MAD1L1: variants seen among roughly 807,000 people sequenced by gnomAD.
The protein encoded by MAD1L1 is mitotic arrest deficient 1 like 1.
A neutral mutation model predicts 96.9 loss-of-function variants in MAD1L1; 95 were observed. The observed-to-expected ratio is 0.98, with a 90% confidence interval of 0.83 to 1.16. The LOEUF (loss-of-function observed/expected upper bound fraction) is 1.16. MAD1L1 is among the 50% of genes most tolerant of loss of function. The pLI, the probability that MAD1L1 is intolerant of heterozygous loss-of-function variation, is 0.00. For synonymous variants in MAD1L1, 473 were observed against 396.6 expected, an observed-to-expected ratio of 1.19 and a Z score of -2.29; for missense variants, 1,007 against 954.4, an observed-to-expected ratio of 1.06 and a Z score of -0.73.
chr7:1,843,346 G>A (rs1783390408), intron 18 of MAD1L1, among the ~76,000 whole-genome samples: 2 of 152,288 alleles, frequency 1.3e-5, no homozygotes, highest in South Asian at 4.1e-4. Context: ...TGGCCCCGGG[G>A]AGCTCCTGCG....
At chr7:2,079,623 G>C (rs901439651) in intron 11 of MAD1L1, 1 of 470,690 alleles carries the variant, frequency 2.1e-6, no homozygotes, top group East Asian at 6.9e-5. Flanking sequence ...AATGTGAGAA[G>C]GAAAATTGCC....
chr7:1,915,408 C>A (rs997075730), intron 17 of MAD1L1, among the ~76,000 whole-genome samples: 1 of 152,168 alleles, frequency 6.6e-6, no homozygotes, highest in Non-Finnish European at 1.5e-5. Flanking sequence ...AAAAGCCACG[C>A]GCTTCCCGGG....
Position 1,931,589 on chromosome 7 carries a change from C to A in MAD1L1, c.1807+5098G>T, listed in dbSNP as rs904587126. Among the ~76,000 whole-genome samples, 6 of 152,312 alleles carry A rather than the reference C, an allele frequency of 3.9e-5. No individual in the cohort carries two copies. The South Asian group carries it at 1.0e-3, about 26-fold the overall frequency. The stretch of plus-strand genomic sequence containing the variant: ...TTCTGTGGCTCCTTCTGGACTTGAG[C>A]GCTCGGACGTCCTGCTGACTTCCCG... On this transcript the variant is annotated intron_variant, in intron 17 of 18. Coordinates refer to ENST00000265854, the MANE Select transcript of MAD1L1 (RefSeq NM_001013836.2).
At chr7:1,909,040 T>C (rs1366581713) in intron 17 of MAD1L1, among the ~76,000 whole-genome samples, 1 of 152,238 alleles carries the variant, frequency 6.6e-6, no homozygotes, top group African/African-American at 2.4e-5. Context: ...GACTCTCAGA[T>C]GCTCAGTGCC....
At chr7:1,853,603 C>T (rs1410672869) in intron 18 of MAD1L1, among the ~76,000 whole-genome samples, 2 of 152,194 alleles carry the variant, frequency 1.3e-5, no homozygotes, top group African/African-American at 2.4e-5. Flanking sequence ...CCACAGCAGA[C>T]TGATCACCAG....
In MAD1L1 at chr7:1,935,540, G is replaced by A. The variant is rs115243064; in HGVS notation, c.1807+1147C>T. On this transcript the variant is annotated intron_variant, in intron 17 of 18. Transcript: ENST00000265854. ...TGGCTTATGGGGGTGGGGCACAAGA[G>A]GGAGGGAAGACCCCACCTAAGACCC... is the stretch of plus-strand genomic sequence containing the variant. 4.5e-3 allele frequency among the ~76,000 whole-genome samples: 681 copies of A among 152,336 alleles called. 6 individuals are homozygous for A. The highest frequency in any genetic ancestry group is 0.015 in the African/African-American group (642 of 41,582).
At position 2,216,248 on chromosome 7, in the gene MAD1L1, C is replaced by A. The variant is rs777497138; in HGVS notation, c.718G>T (p.Ala240Ser). Residue 240 changes from alanine to serine, a missense_variant, in exon 8 of 19, where the codon GCG becomes TCG. Ala to Ser is a moderately conservative substitution (Grantham distance 99). Coordinates refer to ENST00000265854, the MANE Select transcript of MAD1L1 (RefSeq NM_001013836.2). ...QKLSLQEQDA[A>S]IVKNMKSELV... The stretch of plus-strand genomic sequence containing the variant: ...TCAGACTTCATGTTCTTCACAATCG[C>A]TGCATCCTGCTCTTGCAGGGACAGC... 1 of 1,614,194 alleles carries A rather than the reference C, an allele frequency of 6.2e-7. No homozygotes were observed. The highest frequency in any genetic ancestry group is 8.5e-7 in the Non-Finnish European group (1 of 1,180,054).
rs954071816 is a variant in MAD1L1 at position 2,119,275 on chromosome 7, T to G, written c.1073+29877A>C. Among the ~76,000 whole-genome samples the G allele has an allele frequency of 1.3e-5, 2 of 152,146 alleles. No homozygotes were observed. Among genetic ancestry groups the G allele is most frequent in the Non-Finnish European group, 2.9e-5 (2 of 68,026 alleles). ...AGTGACCAAAGGAGTGCCCCGCCCC[T>G]GGTTCACAGACATGAGAAGCTCCCA... On this transcript the variant is annotated intron_variant, in intron 11 of 18. Transcript: ENST00000265854. This position sits in a 1 kb window ranked among gnomAD's most constrained non-coding sequence, Gnocchi z 4.6.
At chr7:1,817,970 G>A (rs1562421428) in intron 18 of MAD1L1, among the ~76,000 whole-genome samples, 1 of 151,670 alleles carries the variant, frequency 6.6e-6, no homozygotes, top group Non-Finnish European at 1.5e-5. Context: ...CTCAGGAGCC[G>A]TCCCCGTGCC....
chr7:2,135,048 A>G (rs1788686467), intron 11 of MAD1L1, among the ~76,000 whole-genome samples: 1 of 152,238 alleles, frequency 6.6e-6, no homozygotes, highest in South Asian at 2.1e-4. Flanking sequence ...TTCAACACAC[A>G]AAAAACACCC....
intron 10 of MAD1L1, among the ~76,000 whole-genome samples, chr7:2,191,179 C>T (rs1049001418): frequency 6.6e-6 from 1 of 152,222 alleles, no homozygotes; most frequent in South Asian, 2.1e-4. Context: ...GACTGCATGA[C>T]GTATGATTCC....
At chr7:2,163,448 A>G (rs1790265005) in intron 10 of MAD1L1, among the ~76,000 whole-genome samples, 1 of 152,106 alleles carries the variant, frequency 6.6e-6, no homozygotes, top group African/African-American at 2.4e-5. Context: ...ATCTCGGCTC[A>G]CTGCAACCTC....
chr7:1,866,870 G>T (rs1784803183), intron 18 of MAD1L1, among the ~76,000 whole-genome samples: 1 of 152,232 alleles, frequency 6.6e-6, no homozygotes, highest in African/African-American at 2.4e-5. Context: ...TCAGCTGCCA[G>T]CGCTGGCTGG....
chr7:2,133,736 C>T (rs1384226418), intron 11 of MAD1L1, among the ~76,000 whole-genome samples: 2 of 152,206 alleles, frequency 1.3e-5, no homozygotes, highest in Non-Finnish European at 1.5e-5. Context: ...GGTGTAAGGT[C>T]TGTGTCTAGA....
At chr7:1,836,960 GGTA>G (rs1460265557) in intron 18 of MAD1L1, among the ~76,000 whole-genome samples, 1 of 152,018 alleles carries the variant, frequency 6.6e-6, no homozygotes, top group Non-Finnish European at 1.5e-5. Context: ...ATAAAAGACG[GGTA>G]AGTTAGACTT....
intron 18 of MAD1L1, among the ~76,000 whole-genome samples, chr7:1,820,034 T>C (rs1222018678): frequency 6.6e-6 from 1 of 152,114 alleles, no homozygotes; most frequent in East Asian, 1.9e-4. Flanking sequence ...TACTTCGAGA[T>C]ACTGGGAAGT....
chr7:1,895,766 T>C (rs553623238), intron 18 of MAD1L1, among the ~76,000 whole-genome samples: 5 of 152,308 alleles, frequency 3.3e-5, no homozygotes, highest in South Asian at 4.1e-4. Flanking sequence ...CTCAGCTCCA[T>C]GGCTTCTGAC....
chr7:1,854,363 C>G (rs1270024964), intron 18 of MAD1L1: 3 of 472,992 alleles, frequency 6.3e-6, no homozygotes, highest in African/African-American at 5.9e-5. Context: ...GGGAACCTAC[C>G]CTGTGGAAGC....
Position 1,847,608 on chromosome 7 carries a change from T to C in MAD1L1, c.1999-31380A>G, listed in dbSNP as rs907719628. ...AACCGGGATGCACACAGCATGGAGA[T>C]CTCAGCCCTGGGCAGGCCTCGCCCC... is the stretch of plus-strand genomic sequence containing the variant. On this transcript the variant is annotated intron_variant, in intron 18 of 18. Transcript: ENST00000265854. 8.5e-6 allele frequency: 4 copies of C among 470,926 alleles called. No individual in the cohort carries two copies. In the East Asian group the frequency reaches 2.1e-4, roughly 25 times the overall value. The allele number at this position is 470,926 out of a possible 1,614,324, so 29.2% of individuals were successfully genotyped here. A position where few individuals can be genotyped will look rare whatever the true frequency, so the allele number is the denominator to read the frequency against.
Sources: gnomAD v4.1 joint callset for allele counts (sites outside exome capture counted in the v4.1 genomes callset) on GRCh38, gnomAD v4.1.1 for gene constraint, Gnocchi (gnomAD v3.1) non-coding constraint, MANE v1.5 for transcripts, NCBI Gene and HGNC (gene_info 2026-07-23, HGNC 2026-07-21) for gene names.